Variants in CCDC144A observed in about 807,000 individuals in gnomAD.
CCDC144A encodes the protein coiled-coil domain containing 144A.
CCDC144A carries 41 observed loss-of-function variants against 143.8 expected under a neutral mutation model. The observed-to-expected ratio is 0.29, with a 90% confidence interval of 0.22 to 0.37. The LOEUF (loss-of-function observed/expected upper bound fraction) is 0.37. Among genes scored for constraint, CCDC144A ranks in the 10% least tolerant of loss-of-function variants. The pLI, the probability that CCDC144A is intolerant of heterozygous loss-of-function variation, is 1.00. For synonymous variants in CCDC144A, 242 were observed against 517.9 expected, an observed-to-expected ratio of 0.47 and a Z score of 7.23; for missense variants, 637 against 1,488.8, an observed-to-expected ratio of 0.43 and a Z score of 9.41.
At chr17:16,703,354 GT>G (rs1428032365) in intron 2 of CCDC144A, among the ~76,000 whole-genome samples, 3 of 151,404 alleles carry the variant, frequency 2.0e-5, no homozygotes, top group African/African-American at 7.3e-5. Context: ...GGAAGCTCTG[GT>G]TTTCTATCAA....
intron 15 of CCDC144A, among the ~76,000 whole-genome samples, chr17:16,768,519 C>G (rs1915699742): frequency 6.6e-6 from 1 of 152,168 alleles, no homozygotes; most frequent in Non-Finnish European, 1.5e-5. Context: ...ACCTGGCCTG[C>G]CACATAGCCT....
chr17:16,772,140 T>C, intron 16 of CCDC144A, 121 bp downstream of exon 16: 1 of 629,216 alleles, frequency 1.6e-6, no homozygotes. Flanking sequence ...TTCTTTCATA[T>C]ACATCTAATG....
the CCDC144A span, among the ~76,000 whole-genome samples, chr17:16,683,159 A>C: frequency 3.4e-4 from 52 of 151,828 alleles, no homozygotes; most frequent in African/African-American, 1.3e-3. Flanking sequence ...CAACATGGTG[A>C]CTGCAGTTAA....
intron 6 of CCDC144A, among the ~76,000 whole-genome samples, chr17:16,718,580 C>G (rs1478647420): frequency 2.7e-5 from 4 of 150,816 alleles, no homozygotes; most frequent in Non-Finnish European, 5.9e-5. Flanking sequence ...GAATGGTGAC[C>G]TAAAATTTAA....
chr17:16,729,573 G>A (rs903543639), intron 9 of CCDC144A, among the ~76,000 whole-genome samples: 2 of 151,750 alleles, frequency 1.3e-5, no homozygotes, highest in African/African-American at 4.8e-5. Flanking sequence ...CTTTTCTTTT[G>A]AGGCAGAGTT....
the CCDC144A span, among the ~76,000 whole-genome samples, chr17:16,674,683 A>G: frequency 6.6e-6 from 1 of 152,156 alleles, no homozygotes; most frequent in Non-Finnish European, 1.5e-5. Flanking sequence ...TGTAATGAAT[A>G]AACCACAGAA....
intron 12 of CCDC144A, among the ~76,000 whole-genome samples, chr17:16,743,839 G>A (rs1395924150): frequency 6.6e-6 from 1 of 152,110 alleles, no homozygotes; most frequent in Non-Finnish European, 1.5e-5. Flanking sequence ...GTCCAACCCA[G>A]TCCCCCTTCT....
At chr17:16,767,899 G>A (rs1353620152) in intron 15 of CCDC144A, among the ~76,000 whole-genome samples, 1 of 152,226 alleles carries the variant, frequency 6.6e-6, no homozygotes, top group Non-Finnish European at 1.5e-5. Flanking sequence ...TGAGAGTCGG[G>A]CTGCTATTTA....
chr17:16,723,415 A>G (rs1300799754), intron 8 of CCDC144A, among the ~76,000 whole-genome samples: 1 of 151,798 alleles, frequency 6.6e-6, no homozygotes, highest in East Asian at 1.9e-4. Context: ...TATCACTTTT[A>G]TTGACCTCCT....
chr17:16,707,742 T>C (rs1196577122), intron 4 of CCDC144A, among the ~76,000 whole-genome samples, 200 bp downstream of exon 4: 1 of 152,172 alleles, frequency 6.6e-6, no homozygotes. Flanking sequence ...TAACTTATAG[T>C]TAATCTTTAC....
the CCDC144A span, among the ~76,000 whole-genome samples, chr17:16,680,370 G>C: frequency 6.6e-6 from 1 of 152,040 alleles, no homozygotes; most frequent in East Asian, 1.9e-4. Context: ...TGAGGCTGCA[G>C]AAGGTAAAGT....
chr17:16,751,984 G>A (rs1914816553), intron 12 of CCDC144A, among the ~76,000 whole-genome samples: 1 of 152,248 alleles, frequency 6.6e-6, no homozygotes, highest in African/African-American at 2.4e-5. Context: ...GTTTCAGGCA[G>A]TGGTGCTCCC....
chr17:16,770,321 G>A (rs1915778150), intron 15 of CCDC144A, among the ~76,000 whole-genome samples: 1 of 151,078 alleles, frequency 6.6e-6, no homozygotes, highest in Non-Finnish European at 1.5e-5. Context: ...GGCTAATTTT[G>A]TGTATTTTTA....
chr17:16,773,453 A>G, intron 16 of CCDC144A, 44 bp from the exon 17 acceptor site: 8 of 1,517,770 alleles, frequency 5.3e-6, no homozygotes, highest in Non-Finnish European at 7.1e-6. Context: ...ATCTTAAAAT[A>G]ATAACAATAA....
At chr17:16,672,382 T>A in the CCDC144A span, among the ~76,000 whole-genome samples, 1 of 151,766 alleles carries the variant, frequency 6.6e-6, no homozygotes, top group Middle Eastern at 3.4e-3. Context: ...GAGGTGGAGG[T>A]TGCAGTGAGC....
chr17:16,696,944 AAG>A (rs1164105469), intron 2 of CCDC144A, among the ~76,000 whole-genome samples: 1 of 151,448 alleles, frequency 6.6e-6, no homozygotes, highest in Non-Finnish European at 1.5e-5. Flanking sequence ...GAAGACTCAG[AAG>A]GGTGCAGTTG....
chr17:16,678,980 C>T, the CCDC144A span, among the ~76,000 whole-genome samples: 1 of 151,900 alleles, frequency 6.6e-6, no homozygotes, highest in Non-Finnish European at 1.5e-5. Context: ...TCTCAAACTC[C>T]CAACGTCAGG....
rs553204661 is a variant in CCDC144A, at chr17:16,770,808, C to G, written c.4099-1169C>G. On this transcript the variant is annotated intron_variant, in intron 15 of 16. Transcript: ENST00000399273. ...TTATCCCTTAATCCTTCAGCATCCT[C>G]TGTGGAACCTTAGATTTCTGTGGGA... Among the ~76,000 whole-genome samples, 1,031 of 151,646 alleles carry G rather than the reference C, an allele frequency of 6.8e-3. 5 individuals are homozygous for G. The highest frequency in any genetic ancestry group is 0.024 in the African/African-American group (989 of 41,032).
intron 15 of CCDC144A, 63 bp downstream of exon 15, chr17:16,764,238 A>C (rs1259315800): frequency 6.4e-7 from 1 of 1,560,188 alleles, no homozygotes; most frequent in South Asian, 1.2e-5. Context: ...GTTATTTGGT[A>C]AAATAGTTAC....
Sources: allele counts gnomAD v4.1 joint callset (sites outside exome capture counted in the v4.1 genomes callset), GRCh38; gene constraint gnomAD v4.1.1; transcripts MANE v1.5; gene names NCBI Gene and HGNC (gene_info 2026-07-23, HGNC 2026-07-21).